The following SLC11A2 variants were observed in gnomAD, a reference collection of about 807,000 sequenced individuals.
The protein encoded by SLC11A2 is natural resistance-associated macrophage protein 2.
A neutral mutation model predicts 68.0 loss-of-function variants in SLC11A2; 38 were observed. That is an observed-to-expected ratio of 0.56 (90% CI 0.43 to 0.73). The LOEUF (loss-of-function observed/expected upper bound fraction) is 0.73. Ranked by LOEUF, SLC11A2 falls within the 30% of genes least tolerant of loss-of-function variation. SLC11A2 has a pLI of 0.00. For missense variants in SLC11A2, 517 were observed against 690.5 expected, an observed-to-expected ratio of 0.75 and a Z score of 2.82; for synonymous variants, 242 against 250.6, an observed-to-expected ratio of 0.97 and a Z score of 0.32.
downstream of SLC11A2, chr12:50,979,613 G>A: frequency 3.2e-6 from 1 of 314,418 alleles, no homozygotes; most frequent in Non-Finnish European, 6.3e-6. Flanking sequence ...TGTGAATTCA[G>A]TCTCAGTTTT....
Position 50,986,861 on chromosome 12 carries a change from G to GT in SLC11A2, c.*1463dup, listed in dbSNP as rs1434388285. The GT allele has an allele frequency of 2.6e-5, 33 of 1,287,078 alleles. No individual in the cohort carries two copies. The highest frequency in any genetic ancestry group is 3.1e-5 in the Non-Finnish European group (31 of 988,686). The allele number at this position is 1,287,078 out of a possible 1,614,324, so 79.7% of individuals were successfully genotyped here. ...AGTCTGCGCTTTTGACTGTGTGCAAGTATCAGTAATAATGCTTTTGGGGGC... is the reference window on the plus strand; with the variant it reads ...AGTCTGCGCTTTTGACTGTGTGCAAGTTATCAGTAATAATGCTTTTGGGGGC... On this transcript the variant is annotated 3_prime_UTR_variant, in exon 16 of 16. Transcript: ENST00000262052.
At chr12:50,967,691 C>T in the SLC11A2 span, among the ~76,000 whole-genome samples, 2 of 152,166 alleles carry the variant, frequency 1.3e-5, no homozygotes, top group Non-Finnish European at 2.9e-5. Context: ...GATCAGAGAA[C>T]CAATTCCGGA....
At chr12:51,026,175 C>T (rs937363011) in intron 1 of SLC11A2, 135 bp downstream of exon 1, 10 of 1,175,464 alleles carry the variant, frequency 8.5e-6, no homozygotes, top group Non-Finnish European at 1.1e-5. Flanking sequence ...CACCTCCCCT[C>T]ACAGCCCCGC....
Position 51,011,554 on chromosome 12 carries a change from T to TG in SLC11A2, c.-38-789_-38-788insC, listed in dbSNP as rs1442816589. On this transcript the variant is annotated intron_variant, in intron 1 of 15. Coordinates refer to ENST00000262052, the MANE Select transcript of SLC11A2 (RefSeq NM_000617.3). ...CATTTCCCCCTATTTTATGAGTTGT[T>TG]TTTTTTTGTTTTTTTTTTAGTTTTT... Among the ~76,000 whole-genome samples the TG allele has an allele frequency of 5.4e-5, 8 of 147,220 alleles. 1 individual carries two copies. The highest frequency in any genetic ancestry group is 4.6e-4 in the South Asian group (2 of 4,364).
At chr12:51,020,055 GT>G (rs1325389542) in intron 1 of SLC11A2, among the ~76,000 whole-genome samples, 1 of 152,030 alleles carries the variant, frequency 6.6e-6, no homozygotes, top group African/African-American at 2.4e-5. Flanking sequence ...GTCTGGTATT[GT>G]TTTTTATTTT....
Position 50,986,524 on chromosome 12 carries a change from C to T in SLC11A2, c.*1801G>A, listed in dbSNP as rs2136151406. 7.8e-7 allele frequency: 1 copy of T among 1,283,390 alleles called. No homozygotes were observed. The highest frequency in any genetic ancestry group is 1.5e-5 in the African/African-American group (1 of 65,832). 79.5% of individuals were successfully genotyped at this position (1,283,390 alleles called of 1,614,324 possible). On this transcript the variant is annotated 3_prime_UTR_variant, in exon 16 of 16. Coordinates refer to ENST00000262052, the MANE Select transcript of SLC11A2 (RefSeq NM_000617.3). ...GTAAATCTGAGACTGACTGGACCCA[C>T]CCAGACCCAGGGCAAAGATACATGT...
the SLC11A2 span, among the ~76,000 whole-genome samples, chr12:50,964,582 C>G: frequency 0.35 from 53,019 of 152,020 alleles, 9,638 homozygotes; most frequent in East Asian, 0.61. Flanking sequence ...TTATGACATA[C>G]GGCTGGAGAG....
rs549274082 is a variant in SLC11A2, at chr12:51,016,001, T to G, written c.-38-5235A>C. Among the ~76,000 whole-genome samples the G allele has an allele frequency of 1.6e-3, 243 of 151,762 alleles. 1 individual carries two copies. Among genetic ancestry groups the G allele is most frequent in the Middle Eastern group, 6.8e-3 (2 of 294 alleles). ...GGTTTCACCGTGTTGGCCAGGATGG[T>G]CTCGATCTCCTGACCTTGTGATCTG... On this transcript the variant is annotated intron_variant, in intron 1 of 15. Coordinates refer to ENST00000262052, the MANE Select transcript of SLC11A2 (RefSeq NM_000617.3).
chr12:50,956,475 A>G, the SLC11A2 span, among the ~76,000 whole-genome samples: 4 of 152,222 alleles, frequency 2.6e-5, no homozygotes, highest in Non-Finnish European at 5.9e-5. Context: ...TTTTCCTGCT[A>G]CAGGATGGAG....
At chr12:50,961,025 G>A in the SLC11A2 span, 1 of 1,612,534 alleles carries the variant, frequency 6.2e-7, no homozygotes, top group Non-Finnish European at 8.5e-7. Context: ...AAGTACAGAA[G>A]AGATCAGAAA....
At chr12:51,023,888 G>C (rs2269685) in intron 1 of SLC11A2, among the ~76,000 whole-genome samples, 25,456 of 151,994 alleles carry the variant, frequency 0.17, 2,539 homozygotes, top group East Asian at 0.5. Context: ...CTACTAGGGA[G>C]GCTGTGGCAG....
chr12:50,983,693 C>T (rs151162569), downstream of SLC11A2, among the ~76,000 whole-genome samples: 1 of 152,142 alleles, frequency 6.6e-6, no homozygotes, highest in African/African-American at 2.4e-5. Flanking sequence ...CAAAAATTAG[C>T]CAGGTGCAGT....
At position 50,988,054 on chromosome 12, in the gene SLC11A2, T is replaced by C. The variant is rs1412040711; in HGVS notation, c.*271A>G. 1.4e-6 allele frequency: 2 copies of C among 1,400,008 alleles called. No homozygotes were observed. The highest frequency in any genetic ancestry group is 1.9e-6 in the Non-Finnish European group (2 of 1,061,956). 86.7% of individuals were successfully genotyped at this position (1,400,008 alleles called of 1,614,324 possible). A position where few individuals can be genotyped will look rare whatever the true frequency, so the allele number is the denominator to read the frequency against. The stretch of plus-strand genomic sequence containing the variant: ...TCCGAAGGATAAACTGAGCTGGCCC[T>C]TGGGCAACTACTTAAGAATTTAGTG... On this transcript the variant is annotated 3_prime_UTR_variant, in exon 16 of 16. Transcript: ENST00000262052.
At position 50,987,536 on chromosome 12, in the gene SLC11A2, C is replaced by G. The variant is rs79206015; in HGVS notation, c.*789G>C. ...AAAGAAAGTTAAGGTTTTACAACCA[C>G]ATGTGCTCAAGAGTAAATATCATCA... On this transcript the variant is annotated 3_prime_UTR_variant, in exon 16 of 16. Transcript: ENST00000262052. The G allele has an allele frequency of 9.3e-6, 12 of 1,287,228 alleles. No homozygotes were observed. The highest frequency in any genetic ancestry group is 1.2e-5 in the Non-Finnish European group (12 of 988,696). The allele number at this position is 1,287,228 out of a possible 1,614,324, so 79.7% of individuals were successfully genotyped here.
chr12:50,996,409 T>C (rs1941703095), intron 9 of SLC11A2, among the ~76,000 whole-genome samples: 2 of 152,158 alleles, frequency 1.3e-5, no homozygotes, highest in Admixed American at 1.3e-4. Flanking sequence ...ACCACATCTC[T>C]ACTAAAAATA....
chr12:50,962,184 G>A, the SLC11A2 span, among the ~76,000 whole-genome samples: 3 of 151,964 alleles, frequency 2.0e-5, no homozygotes, highest in African/African-American at 7.3e-5. Context: ...TAAGGAGTTC[G>A]ATACCAGCCT....
Position 50,987,789 on chromosome 12 carries a change from T to C in SLC11A2, c.*536A>G, listed in dbSNP as rs1319938403. The C allele has an allele frequency of 2.3e-6, 3 of 1,276,856 alleles. No homozygotes were observed. Among genetic ancestry groups the C allele is most frequent in the Non-Finnish European group, 2.0e-6 (2 of 985,142 alleles). 79.1% of individuals were successfully genotyped at this position (1,276,856 alleles called of 1,614,324 possible). A position where few individuals can be genotyped will look rare whatever the true frequency, so the allele number is the denominator to read the frequency against. ...CAAAGAATCCTAAGCCTGATAGAGC[T>C]AGGTGTCTCTTCATTTTATATTTCA... On this transcript the variant is annotated 3_prime_UTR_variant, in exon 16 of 16. Coordinates refer to ENST00000262052, the MANE Select transcript of SLC11A2 (RefSeq NM_000617.3).
intron 15 of SLC11A2, 67 bp downstream of exon 15, chr12:50,990,728 A>C (rs1941064527): frequency 1.2e-5 from 19 of 1,535,784 alleles, no homozygotes; most frequent in South Asian, 2.3e-5. Flanking sequence ...TTCATTTCTG[A>C]ATGTCAGTGA....
At chr12:51,006,985 C>T (rs1566018233) in intron 3 of SLC11A2, among the ~76,000 whole-genome samples, 1 of 152,008 alleles carries the variant, frequency 6.6e-6, no homozygotes, top group Non-Finnish European at 1.5e-5. Flanking sequence ...TGGGCTCAAG[C>T]GATCCACCCG....
Sources: allele counts gnomAD v4.1 joint callset (sites outside exome capture counted in the v4.1 genomes callset), GRCh38; gene constraint gnomAD v4.1.1; transcripts MANE v1.5; gene names NCBI Gene and HGNC (gene_info 2026-07-23, HGNC 2026-07-21).